Variants in DHX34 observed in about 807,000 individuals in gnomAD.
DHX34 encodes the protein DExH-box helicase 34, also known as probable ATP-dependent RNA helicase DHX34.
A neutral mutation model predicts 111.1 loss-of-function variants in DHX34; 96 were observed. The ratio of observed to expected loss-of-function variants is 0.86; its 90% CI spans 0.73 to 1.02. The LOEUF is 1.02. Among genes scored for constraint, DHX34 ranks in the 50% least tolerant of loss-of-function variants. The pLI is 0.00. For missense variants in DHX34, 1,560 were observed against 1,579.9 expected (o/e 0.99, Z 0.21); for synonymous variants, 688 against 670.4 (o/e 1.03, Z -0.41).
chr19:47,377,901 T>C (rs1467254090), intron 13 of DHX34, among the ~76,000 whole-genome samples: 2 of 152,038 alleles, frequency 1.3e-5, no homozygotes, highest in Non-Finnish European at 1.5e-5. Flanking sequence ...ATGGGCCCCA[T>C]GGCAGCCACT....
At chr19:47,372,699 A>G (rs1970002383) in intron 7 of DHX34, 31 bp from the exon 8 acceptor site, 5 of 1,545,846 alleles carry the variant, frequency 3.2e-6, no homozygotes, top group Admixed American at 1.9e-5. Context: ...CCTGGCACCC[A>G]GGAGCCTCAA....
Position 47,359,974 on chromosome 19 carries a change from G to A in DHX34, c.1279G>A (p.Asp427Asn). ...LSVADQDKVFDVAPPGVRKCI... is the reference protein window; with the variant it reads ...LSVADQDKVFNVAPPGVRKCI... ...CCCCCTCCCTTCCTCCCAGGTATTT[G>A]ATGTGGCACCCCCTGGAGTCCGGAA... The change falls in exon 5 of 17, where the codon GAT becomes AAT. Residue 427 changes from aspartate (D) to asparagine (N), a missense_variant. Transcript: ENST00000328771. 1 of 1,614,072 alleles carries A rather than the reference G, an allele frequency of 6.2e-7. No homozygotes were observed. The highest frequency in any genetic ancestry group is 1.1e-5 in the South Asian group (1 of 91,074).
At position 47,352,945 on chromosome 19, in the gene DHX34, G is replaced by T. The variant is rs1969329702; in HGVS notation, c.-86G>T. 6.7e-7 allele frequency: 1 copy of T among 1,492,812 alleles called. No individual in the cohort carries two copies. Among genetic ancestry groups the T allele is most frequent in the Non-Finnish European group, 8.9e-7 (1 of 1,121,062 alleles). 92.5% of individuals were successfully genotyped at this position (1,492,812 alleles called of 1,614,324 possible). ...AAGTAGTTCTCTATTGCAGGCACTG[G>T]CCTCTTAAATTGTTGCAGGTGGGGA... On this transcript the variant is annotated 5_prime_UTR_variant, in exon 2 of 17. Transcript: ENST00000328771.
In DHX34 at chr19:47,353,505, C is replaced by T. The variant is rs200522494; in HGVS notation, c.475C>T (p.Arg159Trp). 1.5e-5 allele frequency: 25 copies of T among 1,613,732 alleles called. No individual in the cohort carries two copies. Among genetic ancestry groups the T allele is most frequent in the Non-Finnish European group, 1.9e-5 (22 of 1,179,968 alleles). The stretch of plus-strand genomic sequence containing the variant: ...GCGTCTGGCCAAGCTGCAGCGTGAG[C>T]GGGCAGCCCTCCCCATCGCCCAGTA... ...FGRLAKLQRE[R>W]AALPIAQYGN... Residue 159 changes from arginine (R) to tryptophan (W), a missense_variant, in exon 2 of 17, where the codon CGG becomes TGG. Transcript: ENST00000328771. The surrounding 1 kb of genome is among the most constrained non-coding windows in gnomAD (Gnocchi z 4.6).
intron 7 of DHX34, among the ~76,000 whole-genome samples, chr19:47,372,230 G>A (rs1437145755): frequency 6.6e-6 from 1 of 151,878 alleles, no homozygotes; most frequent in Admixed American, 6.6e-5. Context: ...AACAAAGGCT[G>A]CAGGAGAAGA....
rs767296817 is a variant in DHX34 at position 47,382,042 on chromosome 19, T to G, written c.3361T>G (p.Cys1121Gly). 8 of 1,614,010 alleles carry G rather than the reference T, an allele frequency of 5.0e-6. No individual in the cohort carries two copies. In the Admixed American group the frequency reaches 5.0e-5, roughly 10 times the overall value. The change falls in exon 17 of 17, where the codon TGC becomes GGC. Residue 1121 changes from cysteine to glycine, a missense_variant. By Grantham distance (159) the Cys-to-Gly change is radical. Coordinates refer to ENST00000328771, the MANE Select transcript of DHX34 (RefSeq NM_014681.6). ...ATCTGTCCTGCAGAGGCCCTACCACTGCGAGGCCTGCGGGAAGGACTTCCT... is the reference window on the plus strand; with the variant it reads ...ATCTGTCCTGCAGAGGCCCTACCACGGCGAGGCCTGCGGGAAGGACTTCCT... ...KTSVLQRPYH[C>G]EACGKDFLFT...
At chr19:47,378,405 G>A (rs1016127542) in intron 13 of DHX34, among the ~76,000 whole-genome samples, 3 of 152,170 alleles carry the variant, frequency 2.0e-5, no homozygotes, top group African/African-American at 7.2e-5. Flanking sequence ...AAACCAAAAG[G>A]GTGATGCCAG....
rs376256559 is a variant in DHX34 at position 47,367,188 on chromosome 19, G to C, written c.1768+33G>C. ...CCCACCCCCCTCCTGATCACTCAGGGCCCCAGGAGCGGGTATGGGCACAGC... is the reference window on the plus strand; with the variant it reads ...CCCACCCCCCTCCTGATCACTCAGGCCCCCAGGAGCGGGTATGGGCACAGC... On this transcript the variant is annotated intron_variant, in intron 7 of 16. Transcript: ENST00000328771. 114 of 1,415,580 alleles carry C rather than the reference G, an allele frequency of 8.1e-5. No homozygotes were observed. The African/African-American group carries it at 1.6e-3, about 20-fold the overall frequency. The allele number at this position is 1,415,580 out of a possible 1,614,324, so 87.7% of individuals were successfully genotyped here.
In DHX34 at chr19:47,381,007, T is replaced by A; in HGVS notation, c.3159+15T>A. 1.3e-6 allele frequency: 2 copies of A among 1,550,626 alleles called. No individual in the cohort carries two copies. The highest frequency in any genetic ancestry group is 1.7e-6 in the Non-Finnish European group (2 of 1,148,112). On this transcript the variant is annotated intron_variant, in intron 15 of 16. Coordinates refer to ENST00000328771, the MANE Select transcript of DHX34 (RefSeq NM_014681.6). Reference sequence around the variant, plus strand: ...ACTGCCTCACGGTAAGCATGAACCCTCCTTCCCTGAAGGTGGGATTTCAGG... The same window carrying A: ...ACTGCCTCACGGTAAGCATGAACCCACCTTCCCTGAAGGTGGGATTTCAGG...
chr19:47,377,144 G>C lies in DHX34; in HGVS notation c.2644G>C (p.Val882Leu). 1.2e-6 allele frequency: 2 copies of C among 1,613,904 alleles called. No homozygotes were observed. The highest frequency in any genetic ancestry group is 1.7e-6 in the Non-Finnish European group (2 of 1,179,964). Residue 882 changes from valine (V) to leucine (L), a missense_variant, in exon 13 of 17, where the codon GTG becomes CTG. By Grantham distance (32) the Val-to-Leu change is conservative. Transcript: ENST00000328771. Reference sequence around the variant, plus strand: ...CAGCAAACACCAGCTCCTCAGCTTCGTGTCCCTGCTGGAGACCAACAAGCC... The same window carrying C: ...CAGCAAACACCAGCTCCTCAGCTTCCTGTCCCTGCTGGAGACCAACAAGCC... ...MSSKHQLLSF[V>L]SLLETNKPYL...
intron 6 of DHX34, among the ~76,000 whole-genome samples, chr19:47,363,211 C>A (rs528789535): frequency 6.6e-6 from 1 of 152,056 alleles, no homozygotes; most frequent in African/African-American, 2.4e-5. Flanking sequence ...TCCTCGGCCT[C>A]CCAAAGTGCT....
rs1033813564 is a variant in DHX34, at chr19:47,365,173, T to A, written c.1594-1808T>A. 1.8e-4 allele frequency among the ~76,000 whole-genome samples: 28 copies of A among 152,162 alleles called. 1 individual carries two copies. The highest frequency in any genetic ancestry group is 6.3e-4 in the African/African-American group (26 of 41,506). ...GCATACTAGAAACACCTGGAGAATT[T>A]AAAAAAACCCCAGGCCCTGCCCCCT... On this transcript the variant is annotated intron_variant, in intron 6 of 16. Transcript: ENST00000328771.
Position 47,353,070 on chromosome 19 carries a change from G to A in DHX34, c.40G>A (p.Asp14Asn). The change falls in exon 2 of 17, where the codon GAC (aspartate) becomes AAC (asparagine). Residue 14 changes from aspartate (D) to asparagine (N), a missense_variant. Transcript: ENST00000328771. The surrounding 1 kb of genome is among the most constrained non-coding windows in gnomAD (Gnocchi z 4.6). Reference sequence around the variant, plus strand: ...AACAAGGGAGGGCAGGGATCGCCGAGACCACCACCGGGCTCCCAGCGAGGA... The same window carrying A: ...AACAAGGGAGGGCAGGGATCGCCGAAACCACCACCGGGCTCCCAGCGAGGA... ...PRTREGRDRR[D>N]HHRAPSEEEA... The A allele has an allele frequency of 6.2e-7, 1 of 1,613,874 alleles. No individual in the cohort carries two copies. Among genetic ancestry groups the A allele is most frequent in the African/African-American group, 1.3e-5 (1 of 75,054 alleles).
intron 13 of DHX34, among the ~76,000 whole-genome samples, chr19:47,378,960 T>G (rs1599778038): frequency 6.7e-6 from 1 of 148,324 alleles, no homozygotes; most frequent in Non-Finnish European, 1.5e-5. Context: ...TGAAACCCCA[T>G]CTCTACTAAA....
chr19:47,377,973 CGCAGCCCT>C (rs1364483451), intron 13 of DHX34, among the ~76,000 whole-genome samples: 1 of 152,128 alleles, frequency 6.6e-6, no homozygotes, highest in Non-Finnish European at 1.5e-5. Flanking sequence ...GGAGTCCTCA[CGCAGCCCT>C]GTGGGTCTCC....
At chr19:47,365,785 G>A (rs955152574) in intron 6 of DHX34, among the ~76,000 whole-genome samples, 4 of 152,104 alleles carry the variant, frequency 2.6e-5, no homozygotes, top group East Asian at 1.9e-4. Flanking sequence ...GTTTGCTTAC[G>A]TATGCCACGC....
At position 47,382,427 on chromosome 19, in the gene DHX34, A is replaced by G. The variant is rs1970397189; in HGVS notation, c.*314A>G. The G allele has an allele frequency of 1.6e-5, 5 of 312,198 alleles. No individual in the cohort carries two copies. The highest frequency in any genetic ancestry group is 4.3e-5 in the South Asian group (1 of 23,148). The allele number at this position is 312,198 out of a possible 1,614,324, so 19.3% of individuals were successfully genotyped here. A position where few individuals can be genotyped will look rare whatever the true frequency, so the allele number is the denominator to read the frequency against. On this transcript the variant is annotated 3_prime_UTR_variant, in exon 17 of 17. Transcript: ENST00000328771. Reference sequence around the variant, plus strand: ...GCGTTAGAGCCAGCAGGGACCTCCCATGTCTCCAGATTCCAGGTGCAGGTT... The same window carrying G: ...GCGTTAGAGCCAGCAGGGACCTCCCGTGTCTCCAGATTCCAGGTGCAGGTT...
Position 47,375,510 on chromosome 19 carries a change from G to C in DHX34, c.2109G>C (p.Ala703=), listed in dbSNP as rs779020459. Reference sequence around the variant, plus strand: ...GGCTGCTGGCTGGGGCCCAGGCCGCGCAGGTAGGGGACAGCTACAGTCGGT... The same window carrying C: ...GGCTGCTGGCTGGGGCCCAGGCCGCCCAGGTAGGGGACAGCTACAGTCGGT... The part of the protein sequence containing the change: ...DHGLLAGAQA[A]QVGDSYSRLQ... Residue 703 remains alanine (A), a synonymous_variant, in exon 10 of 17, where the codon GCG becomes GCC. Coordinates refer to ENST00000328771, the MANE Select transcript of DHX34 (RefSeq NM_014681.6). 1 of 1,571,852 alleles carries C rather than the reference G, an allele frequency of 6.4e-7. No homozygotes were observed. The highest frequency in any genetic ancestry group is 8.6e-7 in the Non-Finnish European group (1 of 1,165,034).
rs756762460 is a variant in DHX34 at position 47,381,248 on chromosome 19, G to A, written c.3222G>A (p.Leu1074=). 1.2e-6 allele frequency: 2 copies of A among 1,614,110 alleles called. No individual in the cohort carries two copies. Among genetic ancestry groups the A allele is most frequent in the Non-Finnish European group, 8.5e-7 (1 of 1,179,976 alleles). ...TCTGGACCTGCCCCCACTGTGGCCT[G>A]CATGCGCCCCTCACGCCCCTGGAGC... is the stretch of plus-strand genomic sequence containing the variant. The part of the protein sequence containing the change: ...RTFWTCPHCG[L]HAPLTPLERI... Residue 1074 remains leucine (L), a synonymous_variant, in exon 16 of 17, where the codon CTG becomes CTA. Coordinates refer to ENST00000328771, the MANE Select transcript of DHX34 (RefSeq NM_014681.6).
Sources: allele counts gnomAD v4.1 joint callset (sites outside exome capture counted in the v4.1 genomes callset), GRCh38; gene constraint gnomAD v4.1.1; non-coding constraint Gnocchi (gnomAD v3.1); transcripts MANE v1.5; gene names NCBI Gene and HGNC (gene_info 2026-07-23, HGNC 2026-07-21).